The following FBXW7 variants were observed in gnomAD, a reference collection of about 807,000 sequenced individuals.
FBXW7 encodes F-box and WD repeat domain containing 7, also known as F-box/WD repeat-containing protein 7.
In FBXW7, 11 loss-of-function variants were observed where a neutral mutation model predicts 86.3. The ratio of observed to expected loss-of-function variants is 0.13; its 90% CI spans 0.08 to 0.21. FBXW7 has a LOEUF of 0.21. Among genes scored for constraint, FBXW7 ranks in the 10% least tolerant of loss-of-function variants. The pLI, the probability that FBXW7 is intolerant of heterozygous loss-of-function variation, is 1.00. For synonymous variants in FBXW7, 313 were observed against 297.9 expected, an observed-to-expected ratio of 1.05 and a Z score of -0.52; for missense variants, 488 against 847.4, an observed-to-expected ratio of 0.58 and a Z score of 5.27.
At chr4:152,373,144 T>A (rs968177985) in intron 4 of FBXW7, among the ~76,000 whole-genome samples, 2 of 152,032 alleles carry the variant, frequency 1.3e-5, no homozygotes, top group African/African-American at 4.8e-5. Flanking sequence ...GGAATAAGAC[T>A]GCTTGAGTTA....
intron 4 of FBXW7, among the ~76,000 whole-genome samples, chr4:152,373,437 T>C (rs1381382338): frequency 5.3e-5 from 8 of 152,034 alleles, no homozygotes; most frequent in Non-Finnish European, 1.0e-4. Context: ...ATGGCCTTTG[T>C]CTATCAAGTT....
chr4:152,416,280 ATTACT>A (rs2126897924), intron 2 of FBXW7, among the ~76,000 whole-genome samples: 1 of 152,304 alleles, frequency 6.6e-6, no homozygotes, highest in Non-Finnish European at 1.5e-5. Flanking sequence ...CACAACGTCA[ATTACT>A]TTAAATACAT....
At chr4:152,428,714 T>G (rs1434574250) in intron 2 of FBXW7, among the ~76,000 whole-genome samples, 1 of 152,232 alleles carries the variant, frequency 6.6e-6, no homozygotes, top group African/African-American at 2.4e-5. Flanking sequence ...ACAGTTATTC[T>G]GGAGTTGTGT....
intron 2 of FBXW7, among the ~76,000 whole-genome samples, chr4:152,449,008 C>A (rs1426739281): frequency 6.6e-6 from 1 of 152,156 alleles, no homozygotes. Flanking sequence ...ATTTCAACAA[C>A]CAACAGGAAT....
chr4:152,351,214 A>G (rs1193400565), intron 4 of FBXW7, among the ~76,000 whole-genome samples: 1 of 152,106 alleles, frequency 6.6e-6, no homozygotes, highest in Admixed American at 6.6e-5. Context: ...ACATCATAAC[A>G]TAGCATGATA....
intron 2 of FBXW7, among the ~76,000 whole-genome samples, chr4:152,501,054 T>C (rs1242700639): frequency 3.9e-5 from 6 of 152,214 alleles, no homozygotes; most frequent in Non-Finnish European, 8.8e-5. Context: ...TTAAAGTCAC[T>C]GTGGAAGAAG....
chr4:152,502,839 G>T (rs956849448), intron 2 of FBXW7, among the ~76,000 whole-genome samples: 1 of 152,096 alleles, frequency 6.6e-6, no homozygotes, highest in Admixed American at 6.5e-5. Flanking sequence ...GACAATATTA[G>T]GAGACATTTT....
intron 4 of FBXW7, among the ~76,000 whole-genome samples, chr4:152,406,412 G>A (rs1737430349): frequency 6.6e-6 from 1 of 151,992 alleles, no homozygotes; most frequent in Non-Finnish European, 1.5e-5. Flanking sequence ...GCAAGGCCCC[G>A]TCTCTTAAAT....
chr4:152,326,042 C>T lies in FBXW7; in HGVS notation c.1608G>A (p.Thr536=), dbSNP rs1039390062. 2.5e-5 allele frequency: 40 copies of T among 1,613,230 alleles called. No homozygotes were observed. Among genetic ancestry groups the T allele is most frequent in the African/African-American group, 1.1e-4 (8 of 74,940 alleles). Residue 536 remains threonine (T), a synonymous_variant, in exon 12 of 14, where the codon ACG becomes ACA. Coordinates refer to ENST00000281708, the MANE Select transcript of FBXW7 (RefSeq NM_001349798.2). ...AGACTCTATTAGTATGCCCCTGCAA[C>T]GTGTGTAGACAGGTTTCAGTCTCTG... ...WDPETETCLH[T]LQGHTNRVYS...
At chr4:152,382,174 A>C in intron 4 of FBXW7, 2 of 1,513,262 alleles carry the variant, frequency 1.3e-6, no homozygotes, top group Non-Finnish European at 1.8e-6. Context: ...TATTTTTCAA[A>C]TGTGTGAGAC....
At chr4:152,459,923 G>C (rs1403680454) in intron 2 of FBXW7, among the ~76,000 whole-genome samples, 1 of 152,150 alleles carries the variant, frequency 6.6e-6, no homozygotes, top group Non-Finnish European at 1.5e-5. Flanking sequence ...TACTATATAT[G>C]AAATACAGAA....
At chr4:152,333,004 C>T (rs555421662) in intron 7 of FBXW7, among the ~76,000 whole-genome samples, 3 of 151,982 alleles carry the variant, frequency 2.0e-5, no homozygotes, top group African/African-American at 4.8e-5. Context: ...CTCTGTGAGC[C>T]TCAACTCAAT....
intron 2 of FBXW7, among the ~76,000 whole-genome samples, chr4:152,420,621 G>A (rs1738851127): frequency 6.6e-6 from 1 of 152,100 alleles, no homozygotes; most frequent in African/African-American, 2.4e-5. Flanking sequence ...CTACACAATA[G>A]ATGTTATTAT....
chr4:152,419,494 A>AAAACACACACACAC lies in FBXW7; in HGVS notation c.-119-6966_-119-6965insGTGTGTGTGTGTTT, dbSNP rs370794631. 8.2e-3 allele frequency among the ~76,000 whole-genome samples: 1,008 copies of AAAACACACACACAC among 123,298 alleles called. 8 individuals are homozygous for AAAACACACACACAC. Among genetic ancestry groups the AAAACACACACACAC allele is most frequent in the Non-Finnish European group, 0.012 (683 of 59,102 alleles). The allele number at this position is 123,298 out of a possible 152,430, so 80.9% of individuals were successfully genotyped here. A position where few individuals can be genotyped will look rare whatever the true frequency, so the allele number is the denominator to read the frequency against. On this transcript the variant is annotated intron_variant, in intron 2 of 13. Coordinates refer to ENST00000281708, the MANE Select transcript of FBXW7 (RefSeq NM_001349798.2). Reference sequence around the variant, plus strand: ...TGGTAAGGCCCACTAGGATAAGGTAAACACACACACACACACACACACACA... The same window carrying AAAACACACACACAC: ...TGGTAAGGCCCACTAGGATAAGGTAAAAACACACACACACACACACACACACACACACACACACA...
chr4:152,426,845 C>T (rs1275271607), intron 2 of FBXW7, among the ~76,000 whole-genome samples: 1 of 152,078 alleles, frequency 6.6e-6, no homozygotes, highest in African/African-American at 2.4e-5. Context: ...AAATAAAAAC[C>T]GCACAGAATA....
intron 4 of FBXW7, chr4:152,352,348 A>G: frequency 8.7e-7 from 1 of 1,150,986 alleles, no homozygotes; most frequent in Non-Finnish European, 1.2e-6. Flanking sequence ...ACAGAATACC[A>G]GACATCCAGC....
At chr4:152,393,348 C>G (rs1032371220) in intron 4 of FBXW7, among the ~76,000 whole-genome samples, 1 of 152,020 alleles carries the variant, frequency 6.6e-6, no homozygotes, top group African/African-American at 2.4e-5. Flanking sequence ...AGTAAAGAAG[C>G]ACAAAAATAT....
intron 2 of FBXW7, among the ~76,000 whole-genome samples, chr4:152,533,599 T>C (rs1202079729): frequency 3.3e-5 from 5 of 152,116 alleles, no homozygotes; most frequent in Non-Finnish European, 5.9e-5. Flanking sequence ...AAGACAACAG[T>C]TGGAGAAACT....
At chr4:152,452,491 T>G (rs1399657194) in intron 2 of FBXW7, among the ~76,000 whole-genome samples, 1 of 152,230 alleles carries the variant, frequency 6.6e-6, no homozygotes, top group Non-Finnish European at 1.5e-5. Context: ...TTTAGCCATC[T>G]TCATTGTTGA....
Sources: allele counts gnomAD v4.1 joint callset (sites outside exome capture counted in the v4.1 genomes callset), GRCh38; gene constraint gnomAD v4.1.1; transcripts MANE v1.5; gene names NCBI Gene and HGNC (gene_info 2026-07-23, HGNC 2026-07-21).